DCLK1: variants seen among roughly 807,000 people sequenced by gnomAD.
DCLK1 encodes doublecortin like kinase 1.
Under a neutral mutation model 86.2 loss-of-function variants are expected in DCLK1, and 16 were observed. The ratio of observed to expected loss-of-function variants is 0.19; its 90% CI spans 0.13 to 0.28. DCLK1 has a LOEUF of 0.28. DCLK1 is among the 10% of genes least tolerant of loss of function. The pLI is 1.00. For synonymous variants in DCLK1, 369 were observed against 370.5 expected (o/e 1.00, Z 0.05); for missense variants, 590 against 940.2 (o/e 0.63, Z 4.87).
At chr13:36,069,174 C>G (rs1445899537) in intron 3 of DCLK1, among the ~76,000 whole-genome samples, 1 of 152,096 alleles carries the variant, frequency 6.6e-6, no homozygotes, top group African/African-American at 2.4e-5. Flanking sequence ...AGGCACAAAG[C>G]TTTGTTGGAA....
At chr13:35,849,401 T>C (rs1450855122) in intron 6 of DCLK1, 4 of 985,294 alleles carry the variant, frequency 4.1e-6, no homozygotes, top group East Asian at 2.3e-4. Flanking sequence ...GCATCAAACA[T>C]TTTTAATTTA....
intron 4 of DCLK1, among the ~76,000 whole-genome samples, chr13:35,935,732 C>T (rs1374150533): frequency 4.6e-5 from 7 of 152,132 alleles, no homozygotes; most frequent in African/African-American, 1.2e-4. Flanking sequence ...AAAGGGGGTA[C>T]ATTTAAAGAT....
intron 4 of DCLK1, among the ~76,000 whole-genome samples, chr13:35,942,622 T>A (rs551688943): frequency 2.0e-4 from 30 of 152,318 alleles, no homozygotes; most frequent in Non-Finnish European, 4.1e-4. Flanking sequence ...AGAGATCTCC[T>A]CCGGCACATT....
intron 3 of DCLK1, among the ~76,000 whole-genome samples, chr13:36,019,143 AT>A (rs1039535520): frequency 6.6e-6 from 1 of 152,148 alleles, no homozygotes. Context: ...CTCTGAATTA[AT>A]TTATTTCTGT....
intron 3 of DCLK1, among the ~76,000 whole-genome samples, chr13:36,063,497 A>G (rs1883633831): frequency 1.3e-5 from 2 of 152,134 alleles, no homozygotes; most frequent in Non-Finnish European, 2.9e-5. Context: ...CAGTAACTTC[A>G]AGGCCTTGAG....
chr13:36,114,010 G>A (rs1262500146), intron 2 of DCLK1, among the ~76,000 whole-genome samples: 2 of 152,108 alleles, frequency 1.3e-5, no homozygotes, highest in African/African-American at 4.8e-5. Context: ...AGAATTCTGT[G>A]CTAACTGAAG....
At chr13:36,095,669 T>C (rs934397283) in intron 3 of DCLK1, among the ~76,000 whole-genome samples, 1 of 151,866 alleles carries the variant, frequency 6.6e-6, no homozygotes, top group Non-Finnish European at 1.5e-5. Flanking sequence ...AATATGAGAG[T>C]CAAAGACTGA....
intron 3 of DCLK1, among the ~76,000 whole-genome samples, chr13:36,091,371 A>G (rs73182150): frequency 0.16 from 23,934 of 152,222 alleles, 2,160 homozygotes; most frequent in Non-Finnish European, 0.21. Context: ...AAATAAAAAA[A>G]TTTAAAAAAT....
At chr13:35,890,182 C>T (rs1873556254) in intron 4 of DCLK1, among the ~76,000 whole-genome samples, 1 of 152,040 alleles carries the variant, frequency 6.6e-6, no homozygotes, top group African/African-American at 2.4e-5. Context: ...TCTCTCTCCC[C>T]CACTTCCTCT....
intron 3 of DCLK1, among the ~76,000 whole-genome samples, chr13:35,965,310 T>A (rs1326914000): frequency 6.6e-6 from 1 of 152,192 alleles, no homozygotes; most frequent in Non-Finnish European, 1.5e-5. Flanking sequence ...AGGCTGGGCA[T>A]GCGTTGGCCA....
At position 35,952,726 on chromosome 13, in the gene DCLK1, T is replaced by C. The variant is rs74044271; in HGVS notation, c.724-5269A>G. Among the ~76,000 whole-genome samples, 368 of 152,322 alleles carry C rather than the reference T, an allele frequency of 2.4e-3. 4 individuals are homozygous for C. The highest frequency in any genetic ancestry group is 8.5e-3 in the African/African-American group (354 of 41,580). On this transcript the variant is annotated intron_variant, in intron 3 of 16. Coordinates refer to ENST00000360631, the MANE Select transcript of DCLK1 (RefSeq NM_001330071.2). ...TGTTGACTAATTTTCAGTTTTTACT[T>C]AGTGCTTTGGTTATTATACGGAAAT...
chr13:35,880,681 A>G (rs926775422), intron 4 of DCLK1, among the ~76,000 whole-genome samples: 1 of 152,024 alleles, frequency 6.6e-6, no homozygotes, highest in Non-Finnish European at 1.5e-5. Context: ...CCCCATAAGA[A>G]CCCAACCTCA....
chr13:35,819,862 T>C (rs1378559315), intron 11 of DCLK1, among the ~76,000 whole-genome samples: 2 of 152,204 alleles, frequency 1.3e-5, no homozygotes, highest in Non-Finnish European at 2.9e-5. Context: ...TTTAATTTCA[T>C]TTTTAATTAC....
intron 3 of DCLK1, among the ~76,000 whole-genome samples, chr13:35,962,760 G>A (rs762183542): frequency 7.9e-5 from 12 of 152,138 alleles, no homozygotes; most frequent in Non-Finnish European, 1.0e-4. Flanking sequence ...ACATACATAT[G>A]TTCTGCCAAC....
chr13:36,070,843 A>G (rs574367139), intron 3 of DCLK1, among the ~76,000 whole-genome samples: 22 of 152,096 alleles, frequency 1.4e-4, no homozygotes, highest in South Asian at 6.2e-4. Flanking sequence ...GGGTTTCACT[A>G]TGTTGGCCAG....
chr13:35,930,048 T>G (rs544816062), intron 4 of DCLK1, among the ~76,000 whole-genome samples: 1 of 152,280 alleles, frequency 6.6e-6, no homozygotes, highest in Non-Finnish European at 1.5e-5. Context: ...TATCAAATTA[T>G]TACCCAATTT....
At chr13:36,054,178 G>A (rs1277833261) in intron 3 of DCLK1, among the ~76,000 whole-genome samples, 1 of 152,090 alleles carries the variant, frequency 6.6e-6, no homozygotes, top group African/African-American at 2.4e-5. Context: ...GCAAAGGCTT[G>A]GTAGCAACCC....
At chr13:35,993,626 C>T (rs943028487) in intron 3 of DCLK1, among the ~76,000 whole-genome samples, 5 of 152,090 alleles carry the variant, frequency 3.3e-5, no homozygotes, top group African/African-American at 1.2e-4. Flanking sequence ...AAACCAGTAC[C>T]TGCCGTGCCT....
intron 3 of DCLK1, among the ~76,000 whole-genome samples, chr13:35,975,810 C>T (rs1050089261): frequency 2.0e-5 from 3 of 152,162 alleles, no homozygotes; most frequent in Admixed American, 1.3e-4. Context: ...CTGGGCCACG[C>T]TCCCTTGCCT....
Sources: allele counts gnomAD v4.1 joint callset (sites outside exome capture counted in the v4.1 genomes callset), GRCh38; gene constraint gnomAD v4.1.1; transcripts MANE v1.5; gene names NCBI Gene and HGNC (gene_info 2026-07-23, HGNC 2026-07-21).